Variants in TMEM132D observed in about 807,000 individuals in gnomAD.
TMEM132D encodes mature OL transmembrane protein.
In TMEM132D, 21 loss-of-function variants were observed where a neutral mutation model predicts 62.3. That is an observed-to-expected ratio of 0.34 (90% CI 0.24 to 0.49). The LOEUF (loss-of-function observed/expected upper bound fraction) is 0.49. Among genes scored for constraint, TMEM132D ranks in the 20% least tolerant of loss-of-function variants. TMEM132D has a pLI of 0.99. For missense variants in TMEM132D, 1,346 were observed against 1,402.8 expected, an observed-to-expected ratio of 0.96 and a Z score of 0.65; for synonymous variants, 621 against 575.6, an observed-to-expected ratio of 1.08 and a Z score of -1.13.
rs79827559 is a variant in TMEM132D, at chr12:129,823,598, T to C, written c.79+79663A>G. Among the ~76,000 whole-genome samples, 614 of 152,308 alleles carry C rather than the reference T, an allele frequency of 4.0e-3. 6 individuals are homozygous for C. Among genetic ancestry groups the C allele is most frequent in the African/African-American group, 0.014 (585 of 41,578 alleles). The stretch of plus-strand genomic sequence containing the variant: ...GGCCTTTCAGCCATGATGCTCCTTC[T>C]GTGCAAGGGCCCAGGGAAGCAAAAG... On this transcript the variant is annotated intron_variant, in intron 1 of 8. Transcript: ENST00000422113.
chr12:129,111,360 CTG>C (rs1875695529), intron 5 of TMEM132D: 3 of 152,232 alleles, frequency 2.0e-5, no homozygotes, highest in Admixed American at 2.0e-4. Context: ...GCCTCTGAAA[CTG>C]TGAGAGAACA....
chr12:129,202,012 G>GA (rs36034328), intron 5 of TMEM132D, among the ~76,000 whole-genome samples: 87,587 of 149,458 alleles, frequency 0.59, 26,068 homozygotes, highest in Non-Finnish European at 0.65. Context: ...TTGCCTTCTT[G>GA]AAAAAAAAAA....
At chr12:129,127,582 A>G (rs1234646921) in intron 5 of TMEM132D, among the ~76,000 whole-genome samples, 2 of 152,178 alleles carry the variant, frequency 1.3e-5, no homozygotes, top group African/African-American at 4.8e-5. Flanking sequence ...TTCGCTAAAT[A>G]CAGGGGCCTT....
intron 3 of TMEM132D, among the ~76,000 whole-genome samples, chr12:129,422,827 G>A (rs556069519): frequency 5.3e-5 from 8 of 150,252 alleles, no homozygotes; most frequent in Non-Finnish European, 1.2e-4. Context: ...TATTATGCAG[G>A]TATTTCAAAG....
At chr12:129,508,743 CA>C (rs72379095) in intron 3 of TMEM132D, among the ~76,000 whole-genome samples, 5 of 151,542 alleles carry the variant, frequency 3.3e-5, no homozygotes, top group Admixed American at 6.6e-5. Flanking sequence ...CTAAGAGTCT[CA>C]AAAAAAATCA....
In TMEM132D at chr12:129,596,954, A is replaced by G. The variant is rs1878354232; in HGVS notation, c.969-65749T>C. On this transcript the variant is annotated intron_variant, in intron 2 of 8. Coordinates refer to ENST00000422113, the MANE Select transcript of TMEM132D (RefSeq NM_133448.3). ...TTAAGGCATTTGATGATGTGAAGAGAACACTTCAACCAATGCACCTACACG... is the reference window on the plus strand; with the variant it reads ...TTAAGGCATTTGATGATGTGAAGAGGACACTTCAACCAATGCACCTACACG... Among the ~76,000 whole-genome samples, 6 of 152,318 alleles carry G rather than the reference A, an allele frequency of 3.9e-5. No individual in the cohort carries two copies. In the South Asian group the frequency reaches 1.2e-3, roughly 32 times the overall value.
chr12:129,264,461 C>T (rs1880634342), intron 4 of TMEM132D, among the ~76,000 whole-genome samples: 1 of 152,182 alleles, frequency 6.6e-6, no homozygotes, highest in Admixed American at 6.5e-5. Context: ...CACTTCTACA[C>T]TGCTGGTGGG....
chr12:129,268,568 C>T (rs570290655), intron 4 of TMEM132D, among the ~76,000 whole-genome samples: 1 of 152,296 alleles, frequency 6.6e-6, no homozygotes, highest in South Asian at 2.1e-4. Flanking sequence ...GAAATAGGAA[C>T]ACTGTTACAC....
At chr12:129,561,415 G>A (rs992925630) in intron 2 of TMEM132D, among the ~76,000 whole-genome samples, 6 of 152,144 alleles carry the variant, frequency 3.9e-5, no homozygotes, top group African/African-American at 9.7e-5. Flanking sequence ...TTCATGGAAC[G>A]CTAGGCATGG....
chr12:129,641,215 T>C (rs969844964), intron 2 of TMEM132D, among the ~76,000 whole-genome samples: 3 of 152,194 alleles, frequency 2.0e-5, no homozygotes, highest in Admixed American at 2.0e-4. Context: ...GGTCTGTTGC[T>C]ATGTAAGGCA....
intron 1 of TMEM132D, among the ~76,000 whole-genome samples, chr12:129,759,587 A>G (rs1249240120): frequency 6.6e-6 from 1 of 152,200 alleles, no homozygotes; most frequent in African/African-American, 2.4e-5. Context: ...ATTACATGAG[A>G]GAGTAGGTAA....
In TMEM132D at chr12:129,365,647, C is replaced by G. The variant is rs143161186; in HGVS notation, c.1116-27830G>C. Among the ~76,000 whole-genome samples, 835 of 152,188 alleles carry G rather than the reference C, an allele frequency of 5.5e-3. 7 individuals are homozygous for G. The highest frequency in any genetic ancestry group is 0.019 in the African/African-American group (793 of 41,506). On this transcript the variant is annotated intron_variant, in intron 3 of 8. Coordinates refer to ENST00000422113, the MANE Select transcript of TMEM132D (RefSeq NM_133448.3). ...AAGCCCAACCAAGCCCCTGTCACCC[C>G]GCAGGGAGCCTTGGAGCAAGAACTG...
chr12:129,751,913 C>A (rs1430491153), intron 1 of TMEM132D, among the ~76,000 whole-genome samples: 3 of 152,208 alleles, frequency 2.0e-5, no homozygotes, highest in Non-Finnish European at 2.9e-5. Flanking sequence ...TTAATACTTT[C>A]TCTTCCTTGA....
chr12:129,646,357 T>A (rs542976392), intron 2 of TMEM132D, among the ~76,000 whole-genome samples: 1 of 152,330 alleles, frequency 6.6e-6, no homozygotes, highest in East Asian at 1.9e-4. Context: ...AAGGCAATGC[T>A]GGTAGGAATC....
intron 3 of TMEM132D, among the ~76,000 whole-genome samples, chr12:129,483,774 T>A (rs1021433): frequency 6.6e-6 from 1 of 151,958 alleles, no homozygotes; most frequent in African/African-American, 2.4e-5. Flanking sequence ...TAGGGGGCAT[T>A]TCATGGCTGC....
intron 4 of TMEM132D, among the ~76,000 whole-genome samples, chr12:129,309,785 T>TA (rs1441940415): frequency 6.6e-6 from 1 of 151,988 alleles, no homozygotes; most frequent in Non-Finnish European, 1.5e-5. Flanking sequence ...TGAAGTTGAA[T>TA]AAGTGTGGGT....
At chr12:129,302,361 C>T (rs528338965) in intron 4 of TMEM132D, among the ~76,000 whole-genome samples, 168 of 152,310 alleles carry the variant, frequency 1.1e-3, no homozygotes, top group African/African-American at 3.4e-3. Flanking sequence ...GAGATCCAGC[C>T]GCCTCGGCCT....
intron 5 of TMEM132D, among the ~76,000 whole-genome samples, chr12:129,154,311 C>T (rs752658345): frequency 5.7e-4 from 87 of 152,260 alleles, no homozygotes; most frequent in Non-Finnish European, 1.0e-3. Context: ...AGAGTGCTGC[C>T]TTCATTCTCA....
intron 3 of TMEM132D, among the ~76,000 whole-genome samples, chr12:129,392,995 C>T (rs1384394010): frequency 2.0e-5 from 3 of 152,216 alleles, no homozygotes; most frequent in Non-Finnish European, 2.9e-5. Context: ...CTCCAATCTA[C>T]GTTACAGGTG....
Sources: allele counts gnomAD v4.1 joint callset (sites outside exome capture counted in the v4.1 genomes callset), GRCh38; gene constraint gnomAD v4.1.1; transcripts MANE v1.5; gene names NCBI Gene and HGNC (gene_info 2026-07-23, HGNC 2026-07-21).